The following TSC22D3 variants were observed in gnomAD, a reference collection of about 807,000 sequenced individuals.
The protein encoded by TSC22D3 is TSC22 domain family member 3, also known as TSC22 domain family protein 3.
A neutral mutation model predicts 11.1 loss-of-function variants in TSC22D3; 4 were observed. The ratio of observed to expected loss-of-function variants is 0.36; its 90% CI spans 0.18 to 0.83. The LOEUF is 0.83. Among genes scored for constraint, TSC22D3 ranks in the 40% least tolerant of loss-of-function variants. The probability of loss-of-function intolerance (pLI) is 0.48; values close to 1 mark genes in which losing one functional copy is unlikely to be tolerated. For missense variants in TSC22D3, 118 were observed against 159.4 expected (o/e 0.74, Z 1.40); for synonymous variants, 77 against 70.3 (o/e 1.10, Z -0.48).
intron 1 of TSC22D3, chrX:107,717,194 G>A: frequency 3.8e-6 from 2 of 521,255 alleles, no homozygotes; most frequent in Non-Finnish European, 4.8e-6. Context: ...TGAACCTTAG[G>A]CTGGGACTGT....
chrX:107,770,209 C>T (rs1569455480), intron 1 of TSC22D3, among the ~76,000 whole-genome samples: 1 of 111,864 alleles, frequency 8.9e-6, no homozygotes, highest in South Asian at 3.7e-4. Flanking sequence ...TACATACCAG[C>T]GGTGCTCTGG....
intron 1 of TSC22D3, among the ~76,000 whole-genome samples, chrX:107,720,939 C>T (rs896108039): frequency 9.0e-6 from 1 of 111,080 alleles, no homozygotes; most frequent in African/African-American, 3.3e-5. Flanking sequence ...CCTTGTGTCC[C>T]GTGGAAGTGG....
intron 1 of TSC22D3, among the ~76,000 whole-genome samples, chrX:107,720,422 C>T (rs766634476): frequency 5.4e-5 from 6 of 112,134 alleles, no homozygotes; most frequent in African/African-American, 1.3e-4. Context: ...CCAGGCGCAG[C>T]GGCTCACGCC....
At chrX:107,766,321 A>G (rs1008730335) in intron 1 of TSC22D3, among the ~76,000 whole-genome samples, 2 of 111,809 alleles carry the variant, frequency 1.8e-5, no homozygotes, top group Admixed American at 1.9e-4. Flanking sequence ...CTGTGAATTC[A>G]GGTCAACCTG....
intron 1 of TSC22D3, among the ~76,000 whole-genome samples, chrX:107,757,726 G>A (rs751698658): frequency 9.7e-4 from 101 of 104,133 alleles, no homozygotes; most frequent in Non-Finnish European, 1.6e-3. Context: ...TTCCCCTCCC[G>A]TTCCCACAGC....
chrX:107,729,325 C>T (rs1927780743), intron 1 of TSC22D3, among the ~76,000 whole-genome samples: 1 of 111,452 alleles, frequency 9.0e-6, no homozygotes, highest in Non-Finnish European at 1.9e-5. Context: ...ATTCTCCTTC[C>T]CTGGGGTAAT....
chrX:107,745,548 A>G (rs776492970), intron 1 of TSC22D3, among the ~76,000 whole-genome samples: 17 of 112,448 alleles, frequency 1.5e-4, no homozygotes, highest in Non-Finnish European at 3.0e-4. Flanking sequence ...ATACCCTTCA[A>G]ATCAGAACTG....
At chrX:107,766,452 GC>G (rs111524433) in intron 1 of TSC22D3, among the ~76,000 whole-genome samples, 102 of 77,458 alleles carry the variant, frequency 1.3e-3, no homozygotes, top group South Asian at 2.0e-3. Flanking sequence ...TGGAGTTTCC[GC>G]CCCCCCCCCA....
chrX:107,739,629 TG>T (rs1928303271), intron 1 of TSC22D3, among the ~76,000 whole-genome samples: 2 of 112,349 alleles, frequency 1.8e-5, no homozygotes, highest in African/African-American at 3.2e-5. Flanking sequence ...GTGTGGTAGG[TG>T]GAGCTTCCCA....
chrX:107,724,447 G>C (rs1455228756), intron 1 of TSC22D3, among the ~76,000 whole-genome samples: 5 of 113,204 alleles, frequency 4.4e-5, no homozygotes, highest in Non-Finnish European at 9.4e-5. Flanking sequence ...GGAAGCACGT[G>C]CATTTGTGCA....
At chrX:107,737,041 C>T (rs946143308) in intron 1 of TSC22D3, among the ~76,000 whole-genome samples, 1 of 111,961 alleles carries the variant, frequency 8.9e-6, no homozygotes, top group Non-Finnish European at 1.9e-5. Flanking sequence ...ATAACGTCAA[C>T]AGACCCAGAG....
At chrX:107,743,043 C>T (rs750056827) in intron 1 of TSC22D3, among the ~76,000 whole-genome samples, 1 of 112,255 alleles carries the variant, frequency 8.9e-6, no homozygotes, top group South Asian at 3.7e-4. Flanking sequence ...ACAGAACTTC[C>T]CCCTGCCAGC....
intron 1 of TSC22D3, among the ~76,000 whole-genome samples, chrX:107,742,018 G>A (rs1315945297): frequency 1.8e-5 from 2 of 110,983 alleles, no homozygotes; most frequent in Non-Finnish European, 3.8e-5. Context: ...CCTGCCTGTG[G>A]GAGGACTTCA....
At chrX:107,715,771 G>T in intron 2 of TSC22D3, 128 bp downstream of exon 2, 1 of 787,202 alleles carries the variant, frequency 1.3e-6, no homozygotes, top group Non-Finnish European at 1.9e-6. Flanking sequence ...AGTGCGGATA[G>T]GAGGCAGGCT....
At chrX:107,750,327 C>T (rs1378883396) in intron 1 of TSC22D3, among the ~76,000 whole-genome samples, 1 of 108,252 alleles carries the variant, frequency 9.2e-6, no homozygotes, top group Non-Finnish European at 1.9e-5. Context: ...CACCTGTGGT[C>T]CCACCATGAA....
chrX:107,754,155 A>G (rs1353433129), intron 1 of TSC22D3, among the ~76,000 whole-genome samples: 1 of 110,682 alleles, frequency 9.0e-6, no homozygotes, highest in African/African-American at 3.3e-5. Flanking sequence ...TCTTGACCTC[A>G]TGATCTTCCC....
chrX:107,759,261 C>CT (rs948267606), intron 1 of TSC22D3, among the ~76,000 whole-genome samples: 2 of 110,806 alleles, frequency 1.8e-5, no homozygotes, highest in South Asian at 3.8e-4. Context: ...TTCTCATTCT[C>CT]TTTTTTTTGT....
intron 1 of TSC22D3, among the ~76,000 whole-genome samples, chrX:107,759,942 C>T (rs1023683810): frequency 8.9e-6 from 1 of 112,039 alleles, no homozygotes; most frequent in Non-Finnish European, 1.9e-5. Flanking sequence ...TCTTCAGGAG[C>T]TCCCAGGCCC....
chrX:107,741,569 T>C (rs1928402341), intron 1 of TSC22D3, among the ~76,000 whole-genome samples: 2 of 112,897 alleles, frequency 1.8e-5, no homozygotes, highest in African/African-American at 3.2e-5. Flanking sequence ...CCTCCCACCA[T>C]GGGCGAAAGG....
Sources: allele counts gnomAD v4.1 joint callset (sites outside exome capture counted in the v4.1 genomes callset), GRCh38; gene constraint gnomAD v4.1.1; transcripts MANE v1.5; gene names NCBI Gene and HGNC (gene_info 2026-07-23, HGNC 2026-07-21).